The following P4HA3 variants were observed in gnomAD, a reference collection of about 807,000 sequenced individuals.
P4HA3 encodes prolyl 4-hydroxylase subunit alpha-3.
Under a neutral mutation model 66.7 loss-of-function variants are expected in P4HA3, and 60 were observed. The observed-to-expected ratio is 0.90, with a 90% CI of 0.73 to 1.12. The LOEUF is 1.12. P4HA3 is among the 50% of genes most tolerant of loss of function. P4HA3 has a pLI of 0.00. For missense variants in P4HA3, 683 were observed against 685.8 expected, an observed-to-expected ratio of 1.00 and a Z score of 0.05; for synonymous variants, 263 against 274.6, an observed-to-expected ratio of 0.96 and a Z score of 0.42.
chr11:74,305,098 G>A (rs1331672100), intron 1 of P4HA3, among the ~76,000 whole-genome samples: 1 of 152,028 alleles, frequency 6.6e-6, no homozygotes, highest in East Asian at 1.9e-4. Context: ...CCTGCTGGGG[G>A]GCCCGCCTCC....
At chr11:74,253,825 C>A in intron 15 of P4HA3, 5 of 507,038 alleles carry the variant, frequency 9.9e-6, no homozygotes, top group Non-Finnish European at 1.8e-5. Context: ...TACTGAGCCC[C>A]TCTTCCTAGC....
In P4HA3 at chr11:74,251,483, C is replaced by T. The variant is rs907749419; in HGVS notation, c.*1319-3482G>A. Reference sequence around the variant, plus strand: ...GGCAAGGATAGTGGGGAGGAGTCTTCTAGCTCTGCTAGGGAGGGCCTAGGT... The same window carrying T: ...GGCAAGGATAGTGGGGAGGAGTCTTTTAGCTCTGCTAGGGAGGGCCTAGGT... On this transcript the variant is annotated intron_variant and NMD_transcript_variant, in intron 15 of 15. Coordinates refer to the P4HA3 transcript ENST00000524388. 12 of 1,439,400 alleles carry T rather than the reference C, an allele frequency of 8.3e-6. No individual in the cohort carries two copies. In the African/African-American group the frequency reaches 1.7e-4, roughly 21 times the overall value. The allele number at this position is 1,439,400 out of a possible 1,614,324, so 89.2% of individuals were successfully genotyped here.
chr11:74,288,247 G>A (rs548793787), intron 5 of P4HA3, among the ~76,000 whole-genome samples: 1 of 152,170 alleles, frequency 6.6e-6, no homozygotes, highest in East Asian at 1.9e-4. Flanking sequence ...TCCCTGAAGG[G>A]GGGTGATGCT....
intron 3 of P4HA3, 79 bp from the exon 4 acceptor site, chr11:74,298,440 G>A (rs1861297484): frequency 1.3e-6 from 2 of 1,493,342 alleles, no homozygotes; most frequent in African/African-American, 1.4e-5. Context: ...AGAATAAGAG[G>A]GACTTTGGAA....
At chr11:74,310,300 C>A (rs968689396) in intron 1 of P4HA3, among the ~76,000 whole-genome samples, 2 of 152,210 alleles carry the variant, frequency 1.3e-5, no homozygotes, top group Non-Finnish European at 2.9e-5. Flanking sequence ...GCCTCAGCAT[C>A]CCAAGTCTGA....
intron 1 of P4HA3, among the ~76,000 whole-genome samples, chr11:74,310,049 G>A (rs564400871): frequency 2.0e-5 from 3 of 152,176 alleles, no homozygotes; most frequent in East Asian, 1.9e-4. Flanking sequence ...ACACACTCAC[G>A]CAAAGTTTTA....
At chr11:74,250,705 C>A (rs963107650) in intron 15 of P4HA3, 1 of 462,290 alleles carries the variant, frequency 2.2e-6, no homozygotes, top group Admixed American at 3.4e-5. Flanking sequence ...ACTGTTTCTT[C>A]TATGTGTCTC....
At chr11:74,270,056 C>CACACATACACACACACACAG (rs1192964859) in intron 10 of P4HA3, among the ~76,000 whole-genome samples, 1 of 152,172 alleles carries the variant, frequency 6.6e-6, no homozygotes, top group Non-Finnish European at 1.5e-5. Context: ...CCAAGACACA[C>CACACATACACACACACACAG]ACACATACAC....
At position 74,273,623 on chromosome 11, in the gene P4HA3, A is replaced by AG; in HGVS notation, c.1336-17_1336-16insC. ...TGCTTGGTGACTGAGAAAAAAAAAA[A>AG]CAGAACATATTATTTTATGCAGATG... On this transcript the variant is annotated splice_polypyrimidine_tract_variant and intron_variant, in intron 9 of 12. Transcript: ENST00000331597. The AG allele has an allele frequency of 1.3e-6, 2 of 1,552,354 alleles. No individual in the cohort carries two copies. Among genetic ancestry groups the AG allele is most frequent in the Non-Finnish European group, 1.7e-6 (2 of 1,156,710 alleles).
chr11:74,311,416 T>C lies in P4HA3; in HGVS notation c.196A>G (p.Thr66Ala), dbSNP rs1014625887. The change falls in exon 1 of 13, where the codon ACT becomes GCT. Residue 66 changes from threonine (T) to alanine (A), a missense_variant. Physicochemically the swap from Thr to Ala is moderately conservative, Grantham distance 58 (BLOSUM62 0). Transcript: ENST00000331597. ...RGEEARLRDLTRFYDKVLSLH... is the reference protein window; with the variant it reads ...RGEEARLRDLARFYDKVLSLH... Reference sequence around the variant, plus strand: ...TCCCACTCGTCGTGCCCTCACCTAGTCAGGTCCCGCAGCCGCGCCTCCTCC... The same window carrying C: ...TCCCACTCGTCGTGCCCTCACCTAGCCAGGTCCCGCAGCCGCGCCTCCTCC... The C allele has an allele frequency of 1.6e-5, 24 of 1,524,422 alleles. No individual in the cohort carries two copies. Among genetic ancestry groups the C allele is most frequent in the Non-Finnish European group, 1.9e-5 (22 of 1,143,420 alleles). The allele number at this position is 1,524,422 out of a possible 1,614,324, so 94.4% of individuals were successfully genotyped here. A position where few individuals can be genotyped will look rare whatever the true frequency, so the allele number is the denominator to read the frequency against.
chr11:74,251,246 G>C, intron 15 of P4HA3: 2 of 1,387,858 alleles, frequency 1.4e-6, no homozygotes, highest in Non-Finnish European at 9.3e-7. Context: ...TCATCCCAGG[G>C]CCCTGTGGTT....
intron 1 of P4HA3, among the ~76,000 whole-genome samples, chr11:74,309,654 C>T (rs1861670676): frequency 1.3e-5 from 2 of 152,270 alleles, no homozygotes; most frequent in South Asian, 4.1e-4. Context: ...AAACATTTGG[C>T]TCGGTCAACA....
intron 5 of P4HA3, among the ~76,000 whole-genome samples, chr11:74,288,464 C>T (rs1377600326): frequency 6.6e-6 from 1 of 152,210 alleles, no homozygotes; most frequent in East Asian, 1.9e-4. Flanking sequence ...TCTGAAGAAA[C>T]TGGCTCCCAC....
chr11:74,304,501 C>T, intron 1 of P4HA3, 89 bp from the exon 2 acceptor site: 4 of 1,432,000 alleles, frequency 2.8e-6, no homozygotes, highest in Middle Eastern at 1.8e-4. Context: ...TTAAGAGTAG[C>T]TAACACTGAC....
At chr11:74,263,817 G>T (rs1388547917), downstream of P4HA3, among the ~76,000 whole-genome samples, 1 of 152,186 alleles carries the variant, frequency 6.6e-6, no homozygotes. Flanking sequence ...ACAGCTCACA[G>T]AACAGTGCAA....
intron 14 of P4HA3, among the ~76,000 whole-genome samples, chr11:74,261,121 A>G (rs1859900373): frequency 6.6e-6 from 1 of 152,112 alleles, no homozygotes; most frequent in African/African-American, 2.4e-5. Flanking sequence ...ATATGTGACA[A>G]TTTGAAGAGT....
chr11:74,277,194 C>G, intron 8 of P4HA3, 50 bp from the exon 9 acceptor site: 1 of 1,560,848 alleles, frequency 6.4e-7, no homozygotes, highest in Non-Finnish European at 8.7e-7. Context: ...CCCGAAATGA[C>G]TAAATGACGT....
In P4HA3 at chr11:74,287,088, A is replaced by G. The variant is rs1409064321; in HGVS notation, c.770-697T>C. 6.0e-6 allele frequency: 7 copies of G among 1,170,698 alleles called. No individual in the cohort carries two copies. The South Asian group carries it at 6.8e-5, about 11-fold the overall frequency. 72.5% of individuals were successfully genotyped at this position (1,170,698 alleles called of 1,614,324 possible). On this transcript the variant is annotated intron_variant, in intron 5 of 12. Transcript: ENST00000331597. ...TCCCACAGGGCCCTTGGGAAACCCAATAAATCTTGTGTCTTGTTTGTGCCC... is the reference window on the plus strand; with the variant it reads ...TCCCACAGGGCCCTTGGGAAACCCAGTAAATCTTGTGTCTTGTTTGTGCCC...
At chr11:74,267,807 G>A (rs556247658) in intron 12 of P4HA3, among the ~76,000 whole-genome samples, 8 of 152,128 alleles carry the variant, frequency 5.3e-5, no homozygotes, top group Non-Finnish European at 1.0e-4. Flanking sequence ...TCCTCATGGG[G>A]AGCACTAAAC....
Sources: gnomAD v4.1 joint callset for allele counts (sites outside exome capture counted in the v4.1 genomes callset) on GRCh38, gnomAD v4.1.1 for gene constraint, MANE v1.5 for transcripts, NCBI Gene and HGNC (gene_info 2026-07-23, HGNC 2026-07-21) for gene names.